The following TMEM132C variants were observed in gnomAD, a reference collection of about 807,000 sequenced individuals.
TMEM132C encodes the protein protein phosphatase 1, regulatory subunit 152.
TMEM132C carries 29 observed loss-of-function variants against 61.4 expected under a neutral mutation model. That is an observed-to-expected ratio of 0.47 (90% CI 0.35 to 0.64). The LOEUF is 0.64. Among genes scored for constraint, TMEM132C ranks in the 30% least tolerant of loss-of-function variants. The pLI is 0.00. For synonymous variants in TMEM132C, 656 were observed against 633.1 expected (o/e 1.04, Z -0.54); for missense variants, 1,408 against 1,476.9 (o/e 0.95, Z 0.76).
At position 128,683,029 on chromosome 12, in the gene TMEM132C, C is replaced by A. The variant is rs543381358; in HGVS notation, c.1450-10800C>A. Among the ~76,000 whole-genome samples the A allele has an allele frequency of 5.9e-4, 90 of 152,250 alleles. 3 individuals carry two copies. Among genetic ancestry groups the A allele is most frequent in the Non-Finnish European group, 2.4e-4 (16 of 68,020 alleles). On this transcript the variant is annotated intron_variant, in intron 5 of 8. Transcript: ENST00000435159. ...TTTAGGGCTTTAGGATCTCGAGTGC[C>A]TTATTAAGGAGAAAGAAGACAGATG...
intron 2 of TMEM132C, among the ~76,000 whole-genome samples, chr12:128,507,141 T>C (rs1872389920): frequency 6.6e-6 from 1 of 152,138 alleles, no homozygotes; most frequent in Non-Finnish European, 1.5e-5. Context: ...TCAGTCTGAG[T>C]TGGGTTTCTG....
chr12:128,437,918 C>G (rs1221788107), intron 2 of TMEM132C: 1 of 152,152 alleles, frequency 6.6e-6, no homozygotes, highest in African/African-American at 2.4e-5. Context: ...AGTACATTGT[C>G]TCTTCAGAGC....
rs1486221808 is a variant in TMEM132C, at chr12:128,278,250, A to G, written c.85+10763A>G. Among the ~76,000 whole-genome samples, 8 of 152,268 alleles carry G rather than the reference A, an allele frequency of 5.3e-5. No homozygotes were observed. The East Asian group carries it at 1.4e-3, about 26-fold the overall frequency. On this transcript the variant is annotated intron_variant, in intron 1 of 8. Transcript: ENST00000435159. This position sits in a 1 kb window ranked among gnomAD's most constrained non-coding sequence, Gnocchi z 4.2. ...CCTCTTTCCTGCCTCCTAAATGGCAATAGGTTCTTATCTTCAATTTTTGTA... is the reference window on the plus strand; with the variant it reads ...CCTCTTTCCTGCCTCCTAAATGGCAGTAGGTTCTTATCTTCAATTTTTGTA...
At chr12:128,580,006 C>T (rs946712229) in intron 3 of TMEM132C, among the ~76,000 whole-genome samples, 2 of 152,094 alleles carry the variant, frequency 1.3e-5, no homozygotes, top group Non-Finnish European at 2.9e-5. Flanking sequence ...CTGTGACACA[C>T]GTGTTCGCAG....
intron 1 of TMEM132C, among the ~76,000 whole-genome samples, chr12:128,396,930 G>T (rs552812573): frequency 1.3e-5 from 2 of 152,198 alleles, no homozygotes; most frequent in South Asian, 2.1e-4. Context: ...CCAATCAGGC[G>T]CAAAGCTGCA....
intron 3 of TMEM132C, among the ~76,000 whole-genome samples, chr12:128,559,104 C>G (rs1030349015): frequency 2.6e-5 from 4 of 151,728 alleles, no homozygotes; most frequent in Non-Finnish European, 5.9e-5. Flanking sequence ...CAAACACACA[C>G]ACACACACAC....
rs116985569 is a variant in TMEM132C, at chr12:128,561,594, T to C, written c.1121+17491T>C. Among the ~76,000 whole-genome samples the C allele has an allele frequency of 3.3e-3, 503 of 152,342 alleles. 3 individuals are homozygous for C. The highest frequency in any genetic ancestry group is 6.4e-3 in the South Asian group (31 of 4,826). ...ATTAGGGTTCATTAGGTCTGGACGATGACCGTGTGGACGTCATTGTTGGTT... is the reference window on the plus strand; with the variant it reads ...ATTAGGGTTCATTAGGTCTGGACGACGACCGTGTGGACGTCATTGTTGGTT... On this transcript the variant is annotated intron_variant, in intron 3 of 8. Transcript: ENST00000435159.
chr12:128,347,681 G>A (rs994402799), intron 1 of TMEM132C, among the ~76,000 whole-genome samples: 12 of 152,156 alleles, frequency 7.9e-5, no homozygotes, highest in Admixed American at 3.3e-4. Flanking sequence ...ACCCGCCTTG[G>A]TCTCCAAAAG....
intron 2 of TMEM132C, among the ~76,000 whole-genome samples, chr12:128,496,199 T>G (rs1021517449): frequency 6.6e-6 from 1 of 152,240 alleles, no homozygotes; most frequent in Non-Finnish European, 1.5e-5. Flanking sequence ...TGCTGAGAGA[T>G]CCACTGTTAG....
chr12:128,343,666 T>C (rs1355561650), intron 1 of TMEM132C, among the ~76,000 whole-genome samples: 1 of 152,166 alleles, frequency 6.6e-6, no homozygotes, highest in Non-Finnish European at 1.5e-5. Flanking sequence ...ACATTTAATA[T>C]ATTAAGAGTT....
intron 1 of TMEM132C, among the ~76,000 whole-genome samples, chr12:128,281,818 C>CT (rs1318564307): frequency 6.6e-6 from 1 of 152,222 alleles, no homozygotes; most frequent in Admixed American, 6.5e-5. Flanking sequence ...AAGATTCCAG[C>CT]TCCCACTGAC....
chr12:128,703,375 A>G (rs2135662195), intron 8 of TMEM132C, among the ~76,000 whole-genome samples: 1 of 152,114 alleles, frequency 6.6e-6, no homozygotes, highest in Non-Finnish European at 1.5e-5. Flanking sequence ...TTTAGCTCCC[A>G]CTTAGAAGTG....
intron 1 of TMEM132C, among the ~76,000 whole-genome samples, chr12:128,377,109 C>T (rs935176121): frequency 4.6e-5 from 7 of 151,210 alleles, no homozygotes; most frequent in Middle Eastern, 3.2e-3. Context: ...GGCTGGAGTG[C>T]AGTGGTGTGA....
chr12:128,575,276 C>T (rs532412700), intron 3 of TMEM132C, among the ~76,000 whole-genome samples: 29 of 152,276 alleles, frequency 1.9e-4, no homozygotes, highest in East Asian at 9.7e-4. Context: ...GTCAAGAGAT[C>T]GAGTCCATCC....
chr12:128,422,794 C>T (rs1021901559), intron 2 of TMEM132C, among the ~76,000 whole-genome samples: 5 of 152,164 alleles, frequency 3.3e-5, no homozygotes, highest in Non-Finnish European at 5.9e-5. Flanking sequence ...AGAAAAAGTC[C>T]AGTAGCACCT....
chr12:128,669,670 T>C, intron 5 of TMEM132C, 110 bp downstream of exon 5: 1 of 1,330,324 alleles, frequency 7.5e-7, no homozygotes, highest in East Asian at 2.6e-5. Flanking sequence ...ATACAGAGGC[T>C]TATGTGCAAC....
chr12:128,389,841 C>T lies in TMEM132C; in HGVS notation c.86-24891C>T, dbSNP rs548857841. ...AGCTTAGATTTTATTCAAAGAGAAG[C>T]TGCTGAAGGGTTAAGTTTTCTTTTC... is the stretch of plus-strand genomic sequence containing the variant. On this transcript the variant is annotated intron_variant, in intron 1 of 8. Transcript: ENST00000435159. Among the ~76,000 whole-genome samples the T allele has an allele frequency of 2.1e-4, 32 of 152,330 alleles. No individual in the cohort carries two copies. In the South Asian group the frequency reaches 4.1e-3, roughly 20 times the overall value.
At chr12:128,675,928 G>A (rs1954582518) in intron 5 of TMEM132C, among the ~76,000 whole-genome samples, 2 of 152,134 alleles carry the variant, frequency 1.3e-5, no homozygotes, top group South Asian at 2.1e-4. Flanking sequence ...TTCAGAGTAA[G>A]TTACATATAT....
intron 1 of TMEM132C, among the ~76,000 whole-genome samples, chr12:128,401,911 G>A (rs1313213797): frequency 6.6e-6 from 1 of 152,156 alleles, no homozygotes; most frequent in Non-Finnish European, 1.5e-5. Flanking sequence ...CCCCATAGAT[G>A]TTTACATCCC....
Sources: allele counts gnomAD v4.1 joint callset (sites outside exome capture counted in the v4.1 genomes callset), GRCh38; gene constraint gnomAD v4.1.1; non-coding constraint Gnocchi (gnomAD v3.1); transcripts MANE v1.5; gene names NCBI Gene and HGNC (gene_info 2026-07-23, HGNC 2026-07-21).